ZNF875: variants seen among roughly 807,000 people sequenced by gnomAD.
ZNF875 encodes HKR1, GLI-Kruppel zinc finger family member.
In ZNF875, 14 loss-of-function variants were observed where a neutral mutation model predicts 11.2. The observed-to-expected ratio is 1.26, with a 90% CI of 0.83 to 1.96. ZNF875 has a LOEUF of 1.96. Among genes scored for constraint, ZNF875 ranks in the 30% most tolerant of loss-of-function variants. The pLI is 0.00. For missense variants in ZNF875, 752 were observed against 760.4 expected (o/e 0.99, Z 0.13); for synonymous variants, 301 against 281.1 (o/e 1.07, Z -0.71).
chr19:37,362,042 T>G, intron 4 of ZNF875, 67 bp from the exon 5 acceptor site: 2 of 948,760 alleles, frequency 2.1e-6, no homozygotes, highest in South Asian at 3.1e-5. Context: ...GAATGACCAG[T>G]GGGCAAGGCA....
chr19:37,334,663 GCCCA>G lies in ZNF875; in HGVS notation c.-175_-172del. On this transcript the variant is annotated 5_prime_UTR_variant, in exon 1 of 5. Coordinates refer to ENST00000392153, the MANE Select transcript of ZNF875 (RefSeq NM_001353803.2). ...ACGTCAGAAACACTTCCGGTCGGTG[GCCCA>G]GGCGCGTTAAGCTGGTTGGGACCCG... 1 of 456,034 alleles carries G rather than the reference GCCCA, an allele frequency of 2.2e-6. No individual in the cohort carries two copies. The highest frequency in any genetic ancestry group is 7.0e-5 in the East Asian group (1 of 14,380). 28.2% of individuals were successfully genotyped at this position (456,034 alleles called of 1,614,324 possible).
chr19:37,334,818 C>T (rs772133939), intron 1 of ZNF875, 36 bp downstream of exon 1: 4 of 458,102 alleles, frequency 8.7e-6, no homozygotes, highest in East Asian at 6.9e-5. Flanking sequence ...TGCCCCTCTG[C>T]GTGTCCCTGT....
chr19:37,360,889 C>T (rs755706661), intron 4 of ZNF875, among the ~76,000 whole-genome samples: 7 of 151,832 alleles, frequency 4.6e-5, no homozygotes, highest in African/African-American at 9.7e-5. Context: ...ATTGTTTTCT[C>T]AGTTTCATTT....
intron 2 of ZNF875, among the ~76,000 whole-genome samples, chr19:37,335,773 G>GA (rs150860181): frequency 2.7e-3 from 415 of 152,306 alleles, no homozygotes; most frequent in African/African-American, 9.6e-3. Context: ...GGCAGTGTGC[G>GA]TTTGCTCACA....
At chr19:37,350,485 C>T (rs1289040253) in intron 4 of ZNF875, among the ~76,000 whole-genome samples, 1 of 152,058 alleles carries the variant, frequency 6.6e-6, no homozygotes, top group Non-Finnish European at 1.5e-5. Context: ...CTGCTTTCCC[C>T]AATGATAATA....
intron 4 of ZNF875, among the ~76,000 whole-genome samples, chr19:37,352,862 A>T (rs2038160436): frequency 7.2e-6 from 1 of 138,726 alleles, no homozygotes; most frequent in African/African-American, 2.7e-5. Context: ...AATACTTTTT[A>T]GATTCTTTTT....
At chr19:37,345,741 G>C (rs960106511) in intron 2 of ZNF875, among the ~76,000 whole-genome samples, 6 of 152,126 alleles carry the variant, frequency 3.9e-5, no homozygotes, top group Non-Finnish European at 7.3e-5. Flanking sequence ...ATAAACACAA[G>C]TTTTAAAGCA....
At position 37,363,150 on chromosome 19, in the gene ZNF875, G is replaced by A. The variant is rs1178217902; in HGVS notation, c.1298G>A (p.Trp433Ter). The change falls in exon 5 of 5, where the codon TGG becomes TAG. Residue 433 changes from tryptophan to a stop codon, truncating the protein, a stop_gained. Coordinates refer to ENST00000392153, the MANE Select transcript of ZNF875 (RefSeq NM_001353803.2). LOFTEE classifies it low-confidence loss of function (END_TRUNC). ...VCTECGRHFSWKSNLKTHQRT... is the reference protein window; with the variant it reads ...VCTECGRHFS ...ACAGAATGTGGGCGTCACTTTAGCT[G>A]GAAATCAAACCTCAAAACACACCAG... is the stretch of plus-strand genomic sequence containing the variant. The A allele has an allele frequency of 1.2e-6, 2 of 1,613,620 alleles. No homozygotes were observed. Among genetic ancestry groups the A allele is most frequent in the African/African-American group, 2.7e-5 (2 of 74,780 alleles).
rs2146749784 is a variant in ZNF875, at chr19:37,363,163, C to G, written c.1311C>G (p.Leu437=). The change falls in exon 5 of 5, where the codon CTC becomes CTG. Residue 437 remains leucine (L), a synonymous_variant. Coordinates refer to ENST00000392153, the MANE Select transcript of ZNF875 (RefSeq NM_001353803.2). The part of the protein sequence containing the change: ...CGRHFSWKSN[L]KTHQRTHSGV... ...GTCACTTTAGCTGGAAATCAAACCT[C>G]AAAACACACCAGAGGACACACTCAG... is the stretch of plus-strand genomic sequence containing the variant. 8 of 1,613,530 alleles carry G rather than the reference C, an allele frequency of 5.0e-6. No individual in the cohort carries two copies. The highest frequency in any genetic ancestry group is 6.8e-6 in the Non-Finnish European group (8 of 1,179,850).
chr19:37,342,809 G>A (rs1402616769), intron 2 of ZNF875, among the ~76,000 whole-genome samples: 1 of 152,164 alleles, frequency 6.6e-6, no homozygotes, highest in Non-Finnish European at 1.5e-5. Flanking sequence ...GCAGGCAATA[G>A]CTTTGCTAAT....
chr19:37,360,967 G>C (rs1437641275), intron 4 of ZNF875, among the ~76,000 whole-genome samples: 2 of 151,668 alleles, frequency 1.3e-5, no homozygotes, highest in African/African-American at 4.8e-5. Context: ...TATGACCTAA[G>C]TACAATTATG....
At chr19:37,352,485 C>T (rs1218956589) in intron 4 of ZNF875, among the ~76,000 whole-genome samples, 1 of 152,102 alleles carries the variant, frequency 6.6e-6, no homozygotes, top group Non-Finnish European at 1.5e-5. Flanking sequence ...CTCAGGTGAT[C>T]CACCTGCCTC....
At chr19:37,353,626 A>G (rs2038347097) in intron 4 of ZNF875, among the ~76,000 whole-genome samples, 1 of 152,184 alleles carries the variant, frequency 6.6e-6, no homozygotes, top group Non-Finnish European at 1.5e-5. Context: ...TTCCATTTTA[A>G]TCTGAAAAGA....
At chr19:37,338,033 A>G (rs2034869041) in intron 2 of ZNF875, among the ~76,000 whole-genome samples, 1 of 152,226 alleles carries the variant, frequency 6.6e-6, no homozygotes, top group Non-Finnish European at 1.5e-5. Context: ...TTTCTAAAAT[A>G]GTTAATTCAT....
intron 4 of ZNF875, among the ~76,000 whole-genome samples, chr19:37,327,894 T>C (rs1213729022): frequency 6.6e-6 from 1 of 152,212 alleles, no homozygotes; most frequent in Non-Finnish European, 1.5e-5. Context: ...TTGTGTTCTT[T>C]CCTGTGCTCG....
At chr19:37,323,014 G>A (rs1196480649) in intron 2 of ZNF875, among the ~76,000 whole-genome samples, 1 of 151,722 alleles carries the variant, frequency 6.6e-6, no homozygotes, top group Non-Finnish European at 1.5e-5. Context: ...TGGAAACCCC[G>A]CCCTGAGTTT....
chr19:37,363,161 C>A lies in ZNF875; in HGVS notation c.1309C>A (p.Leu437Ile), dbSNP rs1393786356. 1.9e-6 allele frequency: 3 copies of A among 1,613,990 alleles called. No individual in the cohort carries two copies. Among genetic ancestry groups the A allele is most frequent in the Non-Finnish European group, 2.5e-6 (3 of 1,180,006 alleles). ...GCGTCACTTTAGCTGGAAATCAAAC[C>A]TCAAAACACACCAGAGGACACACTC... ...CGRHFSWKSN[L>I]KTHQRTHSGV... The change falls in exon 5 of 5, where the codon CTC becomes ATC. Residue 437 changes from leucine to isoleucine, a missense_variant. Leu to Ile is a conservative substitution (Grantham distance 5, BLOSUM62 2). Coordinates refer to ENST00000392153, the MANE Select transcript of ZNF875 (RefSeq NM_001353803.2).
chr19:37,317,051 T>G (rs1256516044), upstream of ZNF875: 1 of 150,724 alleles, frequency 6.6e-6, no homozygotes, highest in Non-Finnish European at 1.5e-5. Flanking sequence ...CTCGGCTCAC[T>G]GCAATCTCCA....
rs914075236 is a variant in ZNF875 at position 37,340,630 on chromosome 19, T to C, written c.33+5373T>C. On this transcript the variant is annotated intron_variant, in intron 2 of 4. Transcript: ENST00000392153. ...TGTGTTTATTGTTACCACAGGGGAG[T>C]CATCTTATGTGTACTTTTTTTTTTT... Among the ~76,000 whole-genome samples the C allele has an allele frequency of 2.0e-5, 3 of 150,300 alleles. No homozygotes were observed. The East Asian group carries it at 5.9e-4, about 30-fold the overall frequency.
Sources: allele counts gnomAD v4.1 joint callset (sites outside exome capture counted in the v4.1 genomes callset), GRCh38; gene constraint gnomAD v4.1.1; transcripts MANE v1.5; gene names NCBI Gene and HGNC (gene_info 2026-07-23, HGNC 2026-07-21).